The following PRELID2 variants were observed in gnomAD, a reference collection of about 807,000 sequenced individuals.
The protein encoded by PRELID2 is PRELI domain containing 2.
Under a neutral mutation model 28.4 loss-of-function variants are expected in PRELID2, and 25 were observed. That is an observed-to-expected ratio of 0.88 (90% CI 0.64 to 1.23). The LOEUF is 1.23. Ranked by LOEUF, PRELID2 falls within the 50% of genes most tolerant of loss-of-function variation. The pLI is 0.00. For missense variants in PRELID2, 201 were observed against 214.4 expected (o/e 0.94, Z 0.39); for synonymous variants, 76 against 71.6 (o/e 1.06, Z -0.31).
the PRELID2 span, among the ~76,000 whole-genome samples, chr5:145,336,773 C>T: frequency 3.4e-4 from 52 of 151,768 alleles, no homozygotes; most frequent in Admixed American, 2.9e-3. Context: ...CATGGAATAC[C>T]ATGCAGCCAT....
chr5:145,834,957 G>A (rs1755838965), intron 1 of PRELID2: 1 of 442,276 alleles, frequency 2.3e-6, no homozygotes, highest in African/African-American at 2.0e-5. Flanking sequence ...TCTTCTTTCA[G>A]CTGGGGCAGG....
the PRELID2 span, among the ~76,000 whole-genome samples, chr5:145,405,780 A>T: frequency 1.4e-5 from 2 of 138,764 alleles, no homozygotes; most frequent in Non-Finnish European, 3.0e-5. Context: ...ATCTCAGCTC[A>T]CTGCAAGCTC....
the PRELID2 span, among the ~76,000 whole-genome samples, chr5:145,249,297 CA>C: frequency 6.6e-6 from 1 of 152,100 alleles, no homozygotes; most frequent in African/African-American, 2.4e-5. Context: ...TATGCTTCTG[CA>C]AATTTTAAAC....
At chr5:145,748,543 TA>T (rs1757051798) in intron 1 of PRELID2, among the ~76,000 whole-genome samples, 1 of 152,170 alleles carries the variant, frequency 6.6e-6, no homozygotes, top group African/African-American at 2.4e-5. Context: ...AAAATGGCCA[TA>T]CTGCCCCAAG....
At chr5:145,501,701 A>T (rs1401117895) in intron 1 of PRELID2, among the ~76,000 whole-genome samples, 1 of 151,938 alleles carries the variant, frequency 6.6e-6, no homozygotes, top group Non-Finnish European at 1.5e-5. Context: ...TTTATAAATT[A>T]CCCAGTCTCG....
chr5:145,594,051 G>A (rs1467111370), intron 1 of PRELID2, among the ~76,000 whole-genome samples: 2 of 152,106 alleles, frequency 1.3e-5, no homozygotes, highest in Non-Finnish European at 2.9e-5. Flanking sequence ...CATAGTATTT[G>A]TTTCAAATTA....
intron 1 of PRELID2, among the ~76,000 whole-genome samples, chr5:145,602,578 A>G (rs1238086327): frequency 6.6e-6 from 1 of 152,136 alleles, no homozygotes; most frequent in Non-Finnish European, 1.5e-5. Flanking sequence ...AAAGGAAATA[A>G]AAGCCAAGAA....
chr5:145,392,036 G>A, the PRELID2 span, among the ~76,000 whole-genome samples: 1 of 151,980 alleles, frequency 6.6e-6, no homozygotes, highest in African/African-American at 2.4e-5. Context: ...GTCTTCTTCT[G>A]GGCCCTTCAA....
chr5:145,265,897 T>A, the PRELID2 span, among the ~76,000 whole-genome samples: 1 of 152,258 alleles, frequency 6.6e-6, no homozygotes, highest in East Asian at 1.9e-4. Context: ...AGACATTGAT[T>A]TAGGCAAAGA....
the PRELID2 span, among the ~76,000 whole-genome samples, chr5:145,414,142 C>T: frequency 6.6e-6 from 1 of 152,116 alleles, no homozygotes; most frequent in Admixed American, 6.6e-5. Context: ...AGCAATATAC[C>T]ATATCCCTTC....
intron 1 of PRELID2, among the ~76,000 whole-genome samples, chr5:145,555,171 G>A (rs1412825929): frequency 6.6e-6 from 1 of 152,190 alleles, no homozygotes; most frequent in Non-Finnish European, 1.5e-5. Context: ...TGAAGCATTA[G>A]AGCAGTGTCC....
At chr5:145,607,526 T>A (rs1475507406) in intron 1 of PRELID2, among the ~76,000 whole-genome samples, 2 of 152,174 alleles carry the variant, frequency 1.3e-5, no homozygotes, top group Non-Finnish European at 2.9e-5. Flanking sequence ...CAGGAACAGG[T>A]TGCTTAATTT....
chr5:145,483,005 G>A (rs536430317), intron 1 of PRELID2, among the ~76,000 whole-genome samples: 1 of 152,220 alleles, frequency 6.6e-6, no homozygotes, highest in East Asian at 1.9e-4. Context: ...CTCACCTCCT[G>A]CTGTGTGGCC....
chr5:145,659,536 G>C (rs932158353), intron 1 of PRELID2, among the ~76,000 whole-genome samples: 6 of 152,200 alleles, frequency 3.9e-5, no homozygotes, highest in Admixed American at 1.3e-4. Flanking sequence ...AAAACTGTAG[G>C]CTGGTAGGAG....
At chr5:145,724,715 A>C (rs1170446151) in intron 1 of PRELID2, among the ~76,000 whole-genome samples, 1 of 136,176 alleles carries the variant, frequency 7.3e-6, no homozygotes, top group Non-Finnish European at 1.6e-5. Flanking sequence ...TATACATATT[A>C]CATATATAAT....
intron 1 of PRELID2, among the ~76,000 whole-genome samples, chr5:145,498,141 C>T (rs1752324030): frequency 2.0e-5 from 3 of 152,182 alleles, no homozygotes; most frequent in African/African-American, 7.2e-5. Context: ...CACCCAGCTT[C>T]ATCTTGGGTC....
chr5:145,259,311 C>T, the PRELID2 span, among the ~76,000 whole-genome samples: 2 of 152,140 alleles, frequency 1.3e-5, no homozygotes, highest in Non-Finnish European at 2.9e-5. Flanking sequence ...AAGGCACTGT[C>T]CTGCAGACCA....
intron 1 of PRELID2, among the ~76,000 whole-genome samples, chr5:145,501,190 T>C (rs1752357058): frequency 6.6e-6 from 1 of 152,198 alleles, no homozygotes. Context: ...TGTTAAAATC[T>C]GGTTCACGGA....
intron 4 of PRELID2, among the ~76,000 whole-genome samples, chr5:145,811,195 A>C (rs991060151): frequency 6.6e-6 from 1 of 151,554 alleles, no homozygotes; most frequent in African/African-American, 2.4e-5. Context: ...ACAGCATGGG[A>C]AAGACCTGCC....
Sources: allele counts gnomAD v4.1 joint callset (sites outside exome capture counted in the v4.1 genomes callset), GRCh38; gene constraint gnomAD v4.1.1; transcripts MANE v1.5; gene names NCBI Gene and HGNC (gene_info 2026-07-23, HGNC 2026-07-21).